RAB11FIP2: variants seen among roughly 807,000 people sequenced by gnomAD.
RAB11FIP2 encodes rab11 family-interacting protein 2.
RAB11FIP2 carries 16 observed loss-of-function variants against 40.9 expected under a neutral mutation model. That is an observed-to-expected ratio of 0.39 (90% confidence interval 0.26 to 0.59). RAB11FIP2 has a LOEUF of 0.59. Among genes scored for constraint, RAB11FIP2 ranks in the 20% least tolerant of loss-of-function variants. RAB11FIP2 has a pLI of 0.53. For missense variants in RAB11FIP2, 532 were observed against 606.2 expected, an observed-to-expected ratio of 0.88 and a Z score of 1.28; for synonymous variants, 228 against 213.7, an observed-to-expected ratio of 1.07 and a Z score of -0.58.
intron 3 of RAB11FIP2, among the ~76,000 whole-genome samples, chr10:118,023,504 T>C (rs1846306063): frequency 6.6e-6 from 1 of 152,116 alleles, no homozygotes; most frequent in Non-Finnish European, 1.5e-5. Context: ...CACCAAAACC[T>C]CGATGACAAA....
chr10:118,021,413 C>T (rs1482188886), intron 3 of RAB11FIP2, among the ~76,000 whole-genome samples: 2 of 152,212 alleles, frequency 1.3e-5, no homozygotes, highest in Non-Finnish European at 2.9e-5. Flanking sequence ...ACCTCTGACA[C>T]TCCCTCTCTC....
At chr10:118,034,486 T>C (rs1426079558) in intron 3 of RAB11FIP2, among the ~76,000 whole-genome samples, 1 of 152,108 alleles carries the variant, frequency 6.6e-6, no homozygotes, top group African/African-American at 2.4e-5. Flanking sequence ...TTTTATAATA[T>C]ATTAAAAGAT....
chr10:118,006,395 A>C lies in RAB11FIP2; in HGVS notation c.*2603T>G, dbSNP rs1187641159. 1 of 152,452 alleles carries C rather than the reference A, an allele frequency of 6.6e-6. No homozygotes were observed. The highest frequency in any genetic ancestry group is 1.5e-5 in the Non-Finnish European group (1 of 67,986). The allele number at this position is 152,452 out of a possible 1,614,324, so 9.4% of individuals were successfully genotyped here. The stretch of plus-strand genomic sequence containing the variant: ...CTTTAAAGCATAAAAGCAAAAATAA[A>C]CTCTATAATCTAGTGTACTGTGCAT... On this transcript the variant is annotated 3_prime_UTR_variant, in exon 5 of 5. Transcript: ENST00000355624.
chr10:118,045,941 C>T lies in RAB11FIP2; in HGVS notation c.223G>A (p.Gly75Arg). The stretch of plus-strand genomic sequence containing the variant: ...AAAAGAATGTATTTCTCTGGACTTC[C>T]CTGAATTAGCAATCCAGGTAGCTCG... ...SFELPGLLIQ[G>R]SPEKYILFLI... Residue 75 changes from glycine to arginine, a missense_variant, in exon 1 of 5, where the codon GGA (glycine) becomes AGA (arginine). Coordinates refer to ENST00000355624, the MANE Select transcript of RAB11FIP2 (RefSeq NM_014904.3). 1.2e-6 allele frequency: 2 copies of T among 1,614,214 alleles called. No individual in the cohort carries two copies. The highest frequency in any genetic ancestry group is 1.7e-6 in the Non-Finnish European group (2 of 1,180,036).
intron 3 of RAB11FIP2, among the ~76,000 whole-genome samples, chr10:118,035,843 G>T (rs1846474508): frequency 6.6e-6 from 1 of 152,072 alleles, no homozygotes; most frequent in Admixed American, 6.6e-5. Flanking sequence ...ATGCTTCAAA[G>T]AAATAGGGGC....
At position 118,014,863 on chromosome 10, in the gene RAB11FIP2, T is replaced by G. The variant is rs182646629; in HGVS notation, c.1311+202A>C. Among the ~76,000 whole-genome samples the G allele has an allele frequency of 6.6e-5, 10 of 152,314 alleles. No individual in the cohort carries two copies. The East Asian group carries it at 1.3e-3, about 21-fold the overall frequency. On this transcript the variant is annotated intron_variant, in intron 4 of 4. Coordinates refer to ENST00000355624, the MANE Select transcript of RAB11FIP2 (RefSeq NM_014904.3). ...CCAATTTTGCTTGAACTTTCATAGA[T>G]CATACGAGTCACACCCTATTGTATA...
intron 3 of RAB11FIP2, among the ~76,000 whole-genome samples, chr10:118,031,882 C>G (rs937938829): frequency 3.3e-5 from 5 of 152,050 alleles, no homozygotes; most frequent in Admixed American, 6.6e-5. Flanking sequence ...GGAGTGAAAG[C>G]ATGTTCTTTC....
intron 1 of RAB11FIP2, among the ~76,000 whole-genome samples, chr10:118,042,754 A>T (rs1419666631): frequency 2.0e-5 from 3 of 152,120 alleles, no homozygotes; most frequent in Non-Finnish European, 4.4e-5. Flanking sequence ...GGAAACTGTA[A>T]AGACCTATGT....
chr10:118,020,620 C>T (rs1846272997), intron 3 of RAB11FIP2, among the ~76,000 whole-genome samples: 3 of 152,216 alleles, frequency 2.0e-5, no homozygotes, highest in Admixed American at 1.3e-4. Flanking sequence ...CGCTCCCCTG[C>T]CTCCCTGCTG....
rs1375867884 is a variant in RAB11FIP2 at position 118,006,606 on chromosome 10, G to A, written c.*2392C>T. ...ACAGGAAACACTGATATATTTACTT[G>A]GGAACTAATTTTTACTTTTTGTTTT... On this transcript the variant is annotated 3_prime_UTR_variant, in exon 5 of 5. Transcript: ENST00000355624. 1 of 151,932 alleles carries A rather than the reference G, an allele frequency of 6.6e-6. No individual in the cohort carries two copies. Among genetic ancestry groups the A allele is most frequent in the Non-Finnish European group, 1.5e-5 (1 of 67,920 alleles). 9.4% of individuals were successfully genotyped at this position (151,932 alleles called of 1,614,324 possible). A position where few individuals can be genotyped will look rare whatever the true frequency, so the allele number is the denominator to read the frequency against.
Position 118,039,890 on chromosome 10 carries a change from A to G in RAB11FIP2, c.796+233T>C. On this transcript the variant is annotated intron_variant, in intron 2 of 4. Coordinates refer to ENST00000355624, the MANE Select transcript of RAB11FIP2 (RefSeq NM_014904.3). ...AAACAGGCAGCCAAGCCATAAAAGG[A>G]AACTGGCACTCATTTTATTATCATC... is the stretch of plus-strand genomic sequence containing the variant. The G allele has an allele frequency of 8.7e-6, 4 of 458,170 alleles. 1 individual carries two copies. The South Asian group carries it at 1.8e-4, about 20-fold the overall frequency. The allele number at this position is 458,170 out of a possible 1,614,324, so 28.4% of individuals were successfully genotyped here.
chr10:118,045,778 T>C, intron 1 of RAB11FIP2, 33 bp downstream of exon 1: 1 of 1,482,748 alleles, frequency 6.7e-7, no homozygotes, highest in South Asian at 1.3e-5. Context: ...AGATATAAAC[T>C]CCCCCAAATT....
intron 1 of RAB11FIP2, among the ~76,000 whole-genome samples, chr10:118,044,244 A>G (rs1281250072): frequency 1.3e-5 from 2 of 152,166 alleles, no homozygotes; most frequent in Non-Finnish European, 2.9e-5. Flanking sequence ...TTCACTAGGA[A>G]AATTTATGTT....
At chr10:118,019,682 C>T (rs971138591) in intron 3 of RAB11FIP2, among the ~76,000 whole-genome samples, 1 of 151,890 alleles carries the variant, frequency 6.6e-6, no homozygotes, top group Admixed American at 6.6e-5. Flanking sequence ...AAAAATTAGC[C>T]GGGCGTGGTG....
intron 2 of RAB11FIP2, chr10:118,039,893 C>G: frequency 4.3e-6 from 2 of 460,290 alleles, no homozygotes; most frequent in Non-Finnish European, 7.6e-6. Flanking sequence ...TAAAAGGAAA[C>G]TGGCACTCAT....
In RAB11FIP2 at chr10:118,046,452, G is replaced by A. The variant is rs978292843; in HGVS notation, c.-289C>T. 2.6e-5 allele frequency: 6 copies of A among 232,772 alleles called. No individual in the cohort carries two copies. The African/African-American group carries it at 6.3e-4, about 24-fold the overall frequency. 14.4% of individuals were successfully genotyped at this position (232,772 alleles called of 1,614,324 possible). ...CCCGCCCCTGTCTCCACCTTCCCCA[G>A]GCCTGCGGGGCACGTGAGGCCTGGC... On this transcript the variant is annotated 5_prime_UTR_variant, in exon 1 of 5. Transcript: ENST00000355624.
At chr10:118,017,230 T>G (rs999520985) in intron 3 of RAB11FIP2, among the ~76,000 whole-genome samples, 1 of 152,170 alleles carries the variant, frequency 6.6e-6, no homozygotes, top group East Asian at 1.9e-4. Flanking sequence ...GTATACAGAT[T>G]TACTTAGTGA....
chr10:118,015,592 CAAT>C (rs1012724382), intron 3 of RAB11FIP2, among the ~76,000 whole-genome samples: 7 of 152,164 alleles, frequency 4.6e-5, no homozygotes, highest in Non-Finnish European at 1.0e-4. Context: ...ATTACCCTAT[CAAT>C]AAGAATAAAT....
At chr10:118,020,975 T>C (rs1021716559) in intron 3 of RAB11FIP2, among the ~76,000 whole-genome samples, 1 of 152,130 alleles carries the variant, frequency 6.6e-6, no homozygotes, top group Admixed American at 6.5e-5. Flanking sequence ...TGGCGTATGC[T>C]CCATAACTAC....
Sources: allele counts gnomAD v4.1 joint callset (sites outside exome capture counted in the v4.1 genomes callset), GRCh38; gene constraint gnomAD v4.1.1; transcripts MANE v1.5; gene names NCBI Gene and HGNC (gene_info 2026-07-23, HGNC 2026-07-21).